DOCK8: variants seen among roughly 807,000 people sequenced by gnomAD.
DOCK8 encodes dedicator of cytokinesis 8.
DOCK8 carries 141 observed loss-of-function variants against 245.6 expected under a neutral mutation model. The ratio of observed to expected loss-of-function variants is 0.57; its 90% CI spans 0.50 to 0.66. DOCK8 has a LOEUF of 0.66. Ranked by LOEUF, DOCK8 falls within the 30% of genes least tolerant of loss-of-function variation. DOCK8 has a pLI of 0.00. For synonymous variants in DOCK8, 1,168 were observed against 970.2 expected (o/e 1.20, Z -3.79); for missense variants, 2,965 against 2,603.4 (o/e 1.14, Z -3.02).
upstream of DOCK8, among the ~76,000 whole-genome samples, chr9:212,499 T>G (rs888462005): frequency 6.6e-6 from 1 of 152,206 alleles, no homozygotes; most frequent in Non-Finnish European, 1.5e-5. Flanking sequence ...GCAGTGAGAA[T>G]AAGGAAGAAA....
At chr9:311,873 G>C (rs1431627391) in intron 5 of DOCK8, 81 bp from the exon 6 acceptor site, 1 of 1,547,484 alleles carries the variant, frequency 6.5e-7, no homozygotes, top group Non-Finnish European at 8.8e-7. Flanking sequence ...AATTGGAGCA[G>C]TCTTGAGACA....
chr9:344,481 C>T lies in DOCK8; in HGVS notation c.1679+4160C>T, dbSNP rs188408051. 1.7e-4 allele frequency among the ~76,000 whole-genome samples: 26 copies of T among 152,208 alleles called. No individual in the cohort carries two copies. In the East Asian group the frequency reaches 4.2e-3, roughly 25 times the overall value. ...CCTTTCCTGCACCTCCCCCCATTCA[C>T]GACATGGAAATGGAAAGAATCGAGT... On this transcript the variant is annotated intron_variant, in intron 14 of 47. Coordinates refer to ENST00000432829, the MANE Select transcript of DOCK8 (RefSeq NM_203447.4).
intron 15 of DOCK8, chr9:369,884 C>T (rs1241271630): frequency 3.9e-5 from 13 of 329,670 alleles, no homozygotes; most frequent in South Asian, 3.4e-4. Context: ...TCACTGCAAC[C>T]TCTGCTTCCT....
chr9:434,566 A>G (rs1283960477), intron 38 of DOCK8, among the ~76,000 whole-genome samples: 2 of 152,128 alleles, frequency 1.3e-5, no homozygotes, highest in African/African-American at 2.4e-5. Context: ...ACTAAGTACT[A>G]TTTCTTGGAG....
intron 1 of DOCK8, among the ~76,000 whole-genome samples, chr9:224,570 G>A (rs1013755310): frequency 2.6e-5 from 4 of 152,062 alleles, no homozygotes; most frequent in African/African-American, 4.8e-5. Context: ...TTCCTAAATC[G>A]CTGCTTCTTC....
intron 23 of DOCK8, among the ~76,000 whole-genome samples, chr9:388,553 A>ATT (rs756868705): frequency 8.3e-5 from 12 of 144,742 alleles, no homozygotes; most frequent in African/African-American, 2.8e-4. Context: ...TCTGTGGGTA[A>ATT]TTTTTTTTTT....
intron 1 of DOCK8, 67 bp downstream of exon 1, chr9:215,096 C>A (rs753457976): frequency 4.6e-6 from 7 of 1,516,924 alleles, no homozygotes; most frequent in African/African-American, 2.9e-5. Flanking sequence ...AGCGGAGCTT[C>A]GCTGCAGGGG....
intron 46 of DOCK8, among the ~76,000 whole-genome samples, chr9:457,953 G>A (rs147087349): frequency 9.9e-5 from 15 of 152,150 alleles, no homozygotes; most frequent in Admixed American, 2.6e-4. Context: ...CTTGTTTAAG[G>A]TTGCAAAGCC....
chr9:251,529 C>T (rs1587665384), intron 1 of DOCK8, among the ~76,000 whole-genome samples: 1 of 152,090 alleles, frequency 6.6e-6, no homozygotes, highest in Admixed American at 6.5e-5. Context: ...TTGCCAAGCC[C>T]CCGGGAAGGA....
At chr9:283,253 G>A (rs1433148424) in intron 2 of DOCK8, among the ~76,000 whole-genome samples, 1 of 152,144 alleles carries the variant, frequency 6.6e-6, no homozygotes, top group Non-Finnish European at 1.5e-5. Context: ...CATACAGGCT[G>A]AGCATCCCTA....
chr9:246,075 G>T (rs1044454756), intron 1 of DOCK8, among the ~76,000 whole-genome samples: 3 of 151,954 alleles, frequency 2.0e-5, no homozygotes, highest in South Asian at 2.1e-4. Context: ...CAAAAAATTG[G>T]CCAGGCATAG....
intron 1 of DOCK8, among the ~76,000 whole-genome samples, chr9:250,983 A>T (rs564731246): frequency 9.2e-5 from 14 of 152,292 alleles, no homozygotes; most frequent in African/African-American, 3.4e-4. Context: ...CCCTCTGATG[A>T]AGGGAAGGCT....
intron 21 of DOCK8, chr9:381,410 C>G (rs1262367855): frequency 6.6e-6 from 1 of 152,140 alleles, no homozygotes; most frequent in Non-Finnish European, 1.5e-5. Context: ...GGTTCTTAAA[C>G]TTTTTGTTAT....
At chr9:314,038 T>C (rs1237086575) in intron 6 of DOCK8, among the ~76,000 whole-genome samples, 1 of 152,184 alleles carries the variant, frequency 6.6e-6, no homozygotes, top group Non-Finnish European at 1.5e-5. Flanking sequence ...TTTTTCAAGA[T>C]TCAACAGATA....
intron 33 of DOCK8, 42 bp downstream of exon 33, chr9:422,177 C>A: frequency 6.5e-7 from 1 of 1,549,542 alleles, no homozygotes; most frequent in Non-Finnish European, 8.9e-7. Flanking sequence ...ACCTAAAGTC[C>A]AAAACTATTT....
At chr9:312,660 T>C (rs113234049) in intron 6 of DOCK8, 17 of 347,808 alleles carry the variant, frequency 4.9e-5, no homozygotes, top group African/African-American at 3.0e-4. Context: ...ATGCTCCCAA[T>C]GTATAGAACT....
intron 6 of DOCK8, among the ~76,000 whole-genome samples, chr9:316,158 C>T (rs926829613): frequency 1.2e-4 from 18 of 152,160 alleles, no homozygotes; most frequent in Admixed American, 7.2e-4. Context: ...GTTAAGCTTG[C>T]TGTGGGGTAT....
chr9:308,286 A>G (rs1297565417), intron 5 of DOCK8, among the ~76,000 whole-genome samples: 6 of 152,256 alleles, frequency 3.9e-5, no homozygotes, highest in Non-Finnish European at 8.8e-5. Context: ...CACATTGTAC[A>G]CAGGTATTGA....
rs570277005 is a variant in DOCK8 at position 442,662 on chromosome 9, A to G, written c.5490+653A>G. 5.3e-5 allele frequency among the ~76,000 whole-genome samples: 8 copies of G among 151,322 alleles called. No individual in the cohort carries two copies. In the South Asian group the frequency reaches 1.4e-3, roughly 27 times the overall value. On this transcript the variant is annotated intron_variant, in intron 42 of 47. Transcript: ENST00000432829. ...AAAGAAACACAGGTTATAAGGGCCA[A>G]ACACTAAGAACTCAGTCAAAGGTGC...
Sources: gnomAD v4.1 joint callset for allele counts (sites outside exome capture counted in the v4.1 genomes callset) on GRCh38, gnomAD v4.1.1 for gene constraint, MANE v1.5 for transcripts, NCBI Gene and HGNC (gene_info 2026-07-23, HGNC 2026-07-21) for gene names.